TMEM243: variants seen among roughly 807,000 people sequenced by gnomAD.
The protein encoded by TMEM243 is MDR1 and mitochondrial taxol resistance associated.
TMEM243 carries 20 observed loss-of-function variants against 15.0 expected under a neutral mutation model. The observed-to-expected ratio is 1.33, with a 90% CI of 0.94 to 1.93. The LOEUF (loss-of-function observed/expected upper bound fraction) is 1.93, where lower values mean the gene tolerates loss of function less well. TMEM243 is among the 30% of genes most tolerant of loss of function. The pLI is 0.00. For missense variants in TMEM243, 156 were observed against 142.1 expected, an observed-to-expected ratio of 1.10 and a Z score of -0.50; for synonymous variants, 72 against 52.7, an observed-to-expected ratio of 1.37 and a Z score of -1.59.
At position 87,196,611 on chromosome 7, in the gene TMEM243, T is replaced by C; in HGVS notation, c.*25A>G. On this transcript the variant is annotated 3_prime_UTR_variant, in exon 4 of 4. Transcript: ENST00000257637. Reference sequence around the variant, plus strand: ...CCTAATGTATCATTTTGAAGAGTCCTGGTAAGTACTTCTCCTTGGCAGCCT... The same window carrying C: ...CCTAATGTATCATTTTGAAGAGTCCCGGTAAGTACTTCTCCTTGGCAGCCT... The C allele has an allele frequency of 6.2e-7, 1 of 1,604,458 alleles. No individual in the cohort carries two copies. The highest frequency in any genetic ancestry group is 1.1e-5 in the South Asian group (1 of 88,844).
At chr7:87,198,099 T>C (rs1801494477) in intron 2 of TMEM243, 54 bp from the exon 3 acceptor site, 1 of 1,469,754 alleles carries the variant, frequency 6.8e-7, no homozygotes, top group Non-Finnish European at 9.4e-7. Context: ...GACTTGGTAA[T>C]TACCAACTGG....
intron 1 of TMEM243, among the ~76,000 whole-genome samples, chr7:87,213,781 CT>C (rs11374498): frequency 3.2e-4 from 47 of 146,986 alleles, no homozygotes; most frequent in African/African-American, 8.7e-4. Flanking sequence ...TTGTTTTCTT[CT>C]TTTTTTTTTT....
chr7:87,196,953 T>G (rs1801328648), intron 3 of TMEM243, among the ~76,000 whole-genome samples, 195 bp from the exon 4 acceptor site: 1 of 152,000 alleles, frequency 6.6e-6, no homozygotes, highest in Non-Finnish European at 1.5e-5. Context: ...AAGATCATAC[T>G]TATTCCTACT....
intron 3 of TMEM243, 75 bp from the exon 4 acceptor site, chr7:87,196,833 G>T: frequency 9.2e-7 from 1 of 1,091,132 alleles, no homozygotes; most frequent in Non-Finnish European, 1.3e-6. Flanking sequence ...AATTTCATTA[G>T]TATTTGTTTA....
rs1252787697 is a variant in TMEM243 at position 87,209,831 on chromosome 7, TGAGA to T, written c.78+9591_78+9594del. Among the ~76,000 whole-genome samples, 410 of 72,570 alleles carry T rather than the reference TGAGA, an allele frequency of 5.6e-3. 4 individuals are homozygous for T. The highest frequency in any genetic ancestry group is 9.0e-3 in the Non-Finnish European group (323 of 35,966). 47.6% of individuals were successfully genotyped at this position (72,570 alleles called of 152,430 possible). A position where few individuals can be genotyped will look rare whatever the true frequency, so the allele number is the denominator to read the frequency against. Reference sequence around the variant, plus strand: ...GAGACAGTGAGAGAGCGAGAGACAGTGAGAGAGAGACAGTGAGAGCGAGAGAGAG... The same window carrying T: ...GAGACAGTGAGAGAGCGAGAGACAGTGAGAGACAGTGAGAGCGAGAGAGAG... On this transcript the variant is annotated intron_variant, in intron 1 of 3. Transcript: ENST00000257637.
rs979560590 is a variant in TMEM243 at position 87,197,704 on chromosome 7, TTTTTTTTTTTTTA to T, written c.234+224_234+236del. 70 of 1,099,952 alleles carry T rather than the reference TTTTTTTTTTTTTA, an allele frequency of 6.4e-5. 1 individual carries two copies. The African/African-American group carries it at 9.7e-4, about 15-fold the overall frequency. The allele number at this position is 1,099,952 out of a possible 1,614,324, so 68.1% of individuals were successfully genotyped here. A position where few individuals can be genotyped will look rare whatever the true frequency, so the allele number is the denominator to read the frequency against. On this transcript the variant is annotated intron_variant, in intron 3 of 3. Transcript: ENST00000257637. ...TTTCCACTAATTTTTTTTTTTTTTT[TTTTTTTTTTTTTA>T]AGCTATCAAGGGAGTGGAATTTCTC...
At position 87,196,406 on chromosome 7, in the gene TMEM243, TTTTAGC is replaced by T. The variant is rs751731361; in HGVS notation, c.*224_*229del. 4 of 399,808 alleles carry T rather than the reference TTTTAGC, an allele frequency of 1.0e-5. No individual in the cohort carries two copies. Among genetic ancestry groups the T allele is most frequent in the Non-Finnish European group, 1.8e-5 (4 of 226,912 alleles). The allele number at this position is 399,808 out of a possible 1,614,324, so 24.8% of individuals were successfully genotyped here. A position where few individuals can be genotyped will look rare whatever the true frequency, so the allele number is the denominator to read the frequency against. On this transcript the variant is annotated 3_prime_UTR_variant, in exon 4 of 4. Transcript: ENST00000257637. ...TCAAAAGTGAAATTTTTTTGTGCTGTTTTAGCTTTAAGGGTTGGAATGTTTAGGTGC... is the reference window on the plus strand; with the variant it reads ...TCAAAAGTGAAATTTTTTTGTGCTGTTTTAAGGGTTGGAATGTTTAGGTGC...
At chr7:87,209,576 G>A (rs117607843) in intron 1 of TMEM243, among the ~76,000 whole-genome samples, 14 of 148,022 alleles carry the variant, frequency 9.5e-5, no homozygotes, top group Non-Finnish European at 1.8e-4. Context: ...GAGAGAGACA[G>A]TGAGAGAGAC....
At chr7:87,199,251 C>T in intron 1 of TMEM243, 194 bp from the exon 2 acceptor site, 1 of 469,098 alleles carries the variant, frequency 2.1e-6, no homozygotes. Context: ...GGGAAAATGG[C>T]CAACTGGGGA....
At chr7:87,219,770 G>A (rs1305946106), upstream of TMEM243, 1 of 484,164 alleles carries the variant, frequency 2.1e-6, no homozygotes, top group African/African-American at 2.0e-5. Context: ...CTCTCAGCGG[G>A]ACGCCCCCGC....
rs772322281 is a variant in TMEM243 at position 87,199,006 on chromosome 7, C to A, written c.129+1G>T. On this transcript the variant is annotated splice_donor_variant, in intron 2 of 3. Coordinates refer to ENST00000257637, the MANE Select transcript of TMEM243 (RefSeq NM_024315.4). LOFTEE classifies it high-confidence loss of function. ...GTGAGGCACAAAATGAGGATACTTA[C>A]TAGAATCAATAAGGATGTTAAGCTG... The A allele has an allele frequency of 1.3e-6, 2 of 1,598,666 alleles. No individual in the cohort carries two copies. Among genetic ancestry groups the A allele is most frequent in the Non-Finnish European group, 1.7e-6 (2 of 1,174,996 alleles).
intron 3 of TMEM243, among the ~76,000 whole-genome samples, chr7:87,197,420 A>G (rs550386891): frequency 6.6e-6 from 1 of 152,266 alleles, no homozygotes; most frequent in East Asian, 1.9e-4. Context: ...TTTCTTCACC[A>G]TAAAAGAAAC....
chr7:87,209,813 TGA>T (rs1225563587), intron 1 of TMEM243, among the ~76,000 whole-genome samples: 14 of 58,114 alleles, frequency 2.4e-4, no homozygotes, highest in African/African-American at 6.7e-4. Flanking sequence ...CGAGAGACAG[TGA>T]GAGAGCGAGA....
intron 1 of TMEM243, among the ~76,000 whole-genome samples, chr7:87,205,162 G>C (rs760757178): frequency 6.6e-5 from 10 of 152,316 alleles, no homozygotes; most frequent in Middle Eastern, 3.4e-3. Context: ...GCAGAGGGGG[G>C]CCTGGGCCCA....
At chr7:87,198,251 T>G (rs73208517) in intron 2 of TMEM243, 24,169 of 466,174 alleles carry the variant, frequency 0.052, 761 homozygotes, top group Middle Eastern at 0.083. Context: ...CCCTTACTTA[T>G]GAAAGGAGAG....
intron 1 of TMEM243, among the ~76,000 whole-genome samples, chr7:87,205,125 G>C (rs965643286): frequency 2.0e-5 from 3 of 152,222 alleles, no homozygotes; most frequent in African/African-American, 7.2e-5. Context: ...CTGGGACACA[G>C]AGCACCAAGT....
intron 1 of TMEM243, among the ~76,000 whole-genome samples, chr7:87,214,145 T>C (rs1802949448): frequency 6.6e-6 from 1 of 152,206 alleles, no homozygotes; most frequent in Admixed American, 6.5e-5. Context: ...GCTGCTTTGC[T>C]TTCTCGAGAA....
chr7:87,200,660 C>G (rs1383631288), intron 1 of TMEM243, among the ~76,000 whole-genome samples: 2 of 152,182 alleles, frequency 1.3e-5, no homozygotes, highest in Non-Finnish European at 2.9e-5. Flanking sequence ...CAAGCACATT[C>G]ACCAATCCTC....
intron 1 of TMEM243, among the ~76,000 whole-genome samples, chr7:87,206,643 C>A (rs1174520752): frequency 6.6e-6 from 1 of 152,228 alleles, no homozygotes; most frequent in Non-Finnish European, 1.5e-5. Flanking sequence ...GAGAGTTAAT[C>A]ATATTACATA....
Sources: gnomAD v4.1 joint callset for allele counts (sites outside exome capture counted in the v4.1 genomes callset) on GRCh38, gnomAD v4.1.1 for gene constraint, MANE v1.5 for transcripts, NCBI Gene and HGNC (gene_info 2026-07-23, HGNC 2026-07-21) for gene names.